Variants in ZFHX4 observed in about 807,000 individuals in gnomAD.
ZFHX4 encodes zinc finger homeobox protein 4.
In ZFHX4, 56 loss-of-function variants were observed where a neutral mutation model predicts 267.6. That is an observed-to-expected ratio of 0.21 (90% CI 0.17 to 0.26). The LOEUF (loss-of-function observed/expected upper bound fraction) is 0.26. ZFHX4 is among the 10% of genes least tolerant of loss of function. The pLI is 1.00. For missense variants in ZFHX4, 4,332 were observed against 4,420.0 expected (o/e 0.98, Z 0.56); for synonymous variants, 1,778 against 1,665.6 (o/e 1.07, Z -1.64).
intron 3 of ZFHX4, among the ~76,000 whole-genome samples, chr8:76,777,754 G>A (rs1402109238): frequency 1.3e-5 from 2 of 151,818 alleles, no homozygotes; most frequent in African/African-American, 4.8e-5. Flanking sequence ...TTCAGCTTAT[G>A]GTTAAAGTTT....
chr8:76,808,910 GTCTCTC>G (rs377750059), intron 4 of ZFHX4, among the ~76,000 whole-genome samples: 2,840 of 144,412 alleles, frequency 0.02, 91 homozygotes, highest in African/African-American at 0.067. Context: ...CTATCTCTCT[GTCTCTC>G]TCTCTCTCTC....
Position 76,681,328 on chromosome 8 carries a change from T to C in ZFHX4, c.-339T>C, listed in dbSNP as rs1374812119. The C allele has an allele frequency of 2.5e-6, 1 of 398,594 alleles. No homozygotes were observed. Among genetic ancestry groups the C allele is most frequent in the Non-Finnish European group, 4.4e-6 (1 of 225,950 alleles). 24.7% of individuals were successfully genotyped at this position (398,594 alleles called of 1,614,324 possible). A position where few individuals can be genotyped will look rare whatever the true frequency, so the allele number is the denominator to read the frequency against. On this transcript the variant is annotated 5_prime_UTR_variant, in exon 1 of 11. Transcript: ENST00000651372. ...GATAATAATTAGCAGAATAAAGACA[T>C]ATCGGATTTTCATTTCCTTTCCTCC...
At chr8:76,707,437 T>C (rs1808305326) in intron 2 of ZFHX4, 109 bp from the exon 3 acceptor site, 2 of 1,010,776 alleles carry the variant, frequency 2.0e-6, no homozygotes, top group Admixed American at 6.0e-5. Flanking sequence ...TTTTATAGTT[T>C]AAGCTCTAGA....
intron 3 of ZFHX4, among the ~76,000 whole-genome samples, chr8:76,774,587 A>G (rs1041886128): frequency 6.6e-6 from 1 of 152,176 alleles, no homozygotes; most frequent in Non-Finnish European, 1.5e-5. Context: ...AAGGAGATAT[A>G]CAAAATATCT....
At chr8:76,694,200 G>A (rs1346892827) in intron 1 of ZFHX4, among the ~76,000 whole-genome samples, 2 of 152,154 alleles carry the variant, frequency 1.3e-5, no homozygotes, top group South Asian at 2.1e-4. Context: ...TAACCTAAAG[G>A]TTGCCATGTT....
At chr8:76,716,571 A>T (rs1468452256) in intron 3 of ZFHX4, among the ~76,000 whole-genome samples, 2 of 152,160 alleles carry the variant, frequency 1.3e-5, no homozygotes, top group Non-Finnish European at 2.9e-5. Context: ...TTTTTAATTA[A>T]GAAGACTTCT....
intron 1 of ZFHX4, among the ~76,000 whole-genome samples, chr8:76,684,995 T>A (rs1807655778): frequency 6.6e-6 from 1 of 152,212 alleles, no homozygotes; most frequent in Admixed American, 6.5e-5. Context: ...GGTGGTTTTG[T>A]TGATTGCAAG....
intron 5 of ZFHX4, among the ~76,000 whole-genome samples, chr8:76,840,333 C>T (rs1277978189): frequency 6.6e-6 from 1 of 152,160 alleles, no homozygotes; most frequent in Non-Finnish European, 1.5e-5. Flanking sequence ...GAGCGTCTAT[C>T]CCACAATCTT....
intron 3 of ZFHX4, among the ~76,000 whole-genome samples, chr8:76,742,695 G>T (rs1809352542): frequency 6.6e-6 from 1 of 152,086 alleles, no homozygotes; most frequent in Non-Finnish European, 1.5e-5. Flanking sequence ...ACAGTATTTG[G>T]ATCAATAAAA....
At chr8:76,772,098 A>T (rs1810279581) in intron 3 of ZFHX4, among the ~76,000 whole-genome samples, 1 of 152,172 alleles carries the variant, frequency 6.6e-6, no homozygotes. Flanking sequence ...AGGTAAGATT[A>T]GTATCTCCTT....
intron 4 of ZFHX4, among the ~76,000 whole-genome samples, chr8:76,785,456 T>C (rs2728436): frequency 0.59 from 90,030 of 151,828 alleles, 27,593 homozygotes; most frequent in African/African-American, 0.76. Flanking sequence ...AATAATCCCA[T>C]TGGGAGAGGA....
chr8:76,720,239 G>A lies in ZFHX4; in HGVS notation c.3093+12191G>A, dbSNP rs537279360. Among the ~76,000 whole-genome samples, 10 of 152,114 alleles carry A rather than the reference G, an allele frequency of 6.6e-5. No homozygotes were observed. The East Asian group carries it at 1.9e-3, about 29-fold the overall frequency. ...TTGTCTCTATAGATTTGCCTGTTCT[G>A]GACATTTCATATAGATGGAATCATA... On this transcript the variant is annotated intron_variant, in intron 3 of 10. Coordinates refer to ENST00000651372, the MANE Select transcript of ZFHX4 (RefSeq NM_024721.5).
chr8:76,774,011 C>A (rs1356241621), intron 3 of ZFHX4, among the ~76,000 whole-genome samples: 1 of 152,112 alleles, frequency 6.6e-6, no homozygotes, highest in East Asian at 1.9e-4. Flanking sequence ...TTGGACCAGA[C>A]TGAATAAAAG....
chr8:76,853,627 T>G lies in ZFHX4; in HGVS notation c.6706T>G (p.Tyr2236Asp). 1 of 1,613,816 alleles carries G rather than the reference T, an allele frequency of 6.2e-7. No homozygotes were observed. The highest frequency in any genetic ancestry group is 8.5e-7 in the Non-Finnish European group (1 of 1,179,844). The change falls in exon 10 of 11, where the codon TAC (tyrosine) becomes GAC (aspartate). Residue 2236 changes from tyrosine (Y) to aspartate (D), a missense_variant. Tyr to Asp is a radical substitution (Grantham distance 160). Around this residue, in one of 7 missense-constraint regions of ZFHX4, gnomAD observed 62 missense variants for 69.8 expected, o/e 0.89. Transcript: ENST00000651372. ...GTCTTCTAGAACGAGATTTACTGAC[T>G]ACCAGCTTAGGGTTCTGCAAGACTT... ...KRSSRTRFTDYQLRVLQDFFD... is the reference protein window; with the variant it reads ...KRSSRTRFTDDQLRVLQDFFD...
In ZFHX4 at chr8:76,853,094, C is replaced by A; in HGVS notation, c.6173C>A (p.Pro2058His). The change falls in exon 10 of 11, where the codon CCT (proline) becomes CAT (histidine). Residue 2058 changes from proline (P) to histidine (H), a missense_variant. This residue lies in a region of ZFHX4 where 1,371 missense variants were observed against 1,423.1 expected (regional missense o/e 0.96). Coordinates refer to ENST00000651372, the MANE Select transcript of ZFHX4 (RefSeq NM_024721.5). ...PPPPPPPPPP[P>H]PPPSAPPQVQ... The stretch of plus-strand genomic sequence containing the variant: ...CCTCCTCCTCCTCCTCCCCCCCCAC[C>A]TCCTCCACCTTCTGCTCCTCCACAG... 1 of 1,521,152 alleles carries A rather than the reference C, an allele frequency of 6.6e-7. No individual in the cohort carries two copies. The highest frequency in any genetic ancestry group is 8.9e-7 in the Non-Finnish European group (1 of 1,124,724). 94.2% of individuals were successfully genotyped at this position (1,521,152 alleles called of 1,614,324 possible).
At chr8:76,753,974 C>T (rs189685623) in intron 3 of ZFHX4, among the ~76,000 whole-genome samples, 13 of 152,004 alleles carry the variant, frequency 8.6e-5, no homozygotes, top group East Asian at 7.8e-4. Context: ...TGATAGTTAA[C>T]GCTTTGGAAT....
chr8:76,715,667 T>C (rs1369540699), intron 3 of ZFHX4, among the ~76,000 whole-genome samples: 1 of 152,106 alleles, frequency 6.6e-6, no homozygotes, highest in Non-Finnish European at 1.5e-5. Flanking sequence ...CCAGTTACAG[T>C]GTTATTATCA....
intron 6 of ZFHX4, among the ~76,000 whole-genome samples, chr8:76,843,284 T>C (rs1044741288): frequency 6.6e-6 from 1 of 152,190 alleles, no homozygotes; most frequent in Non-Finnish European, 1.5e-5. Context: ...AGGGCATCTA[T>C]TTGAGGTATT....
At chr8:76,812,648 T>C (rs1031051612) in intron 4 of ZFHX4, among the ~76,000 whole-genome samples, 2 of 152,198 alleles carry the variant, frequency 1.3e-5, no homozygotes, top group Non-Finnish European at 2.9e-5. Flanking sequence ...ACTTATTTCA[T>C]ATGTACCCTC....
Sources: allele counts gnomAD v4.1 joint callset (sites outside exome capture counted in the v4.1 genomes callset), GRCh38; gene constraint gnomAD v4.1.1; regional missense constraint gnomAD v4.1.1; transcripts MANE v1.5; gene names NCBI Gene and HGNC (gene_info 2026-07-23, HGNC 2026-07-21).